IQCH: variants seen among roughly 807,000 people sequenced by gnomAD.
IQCH encodes IQ motif containing H.
Under a neutral mutation model 117.0 loss-of-function variants are expected in IQCH, and 98 were observed. That is an observed-to-expected ratio of 0.84 (90% confidence interval 0.71 to 0.99). IQCH has a LOEUF of 0.99. Ranked by LOEUF, IQCH falls within the 50% of genes least tolerant of loss-of-function variation. IQCH has a pLI of 0.00. For missense variants in IQCH, 1,102 were observed against 1,243.8 expected (o/e 0.89, Z 1.72); for synonymous variants, 412 against 448.2 (o/e 0.92, Z 1.02).
intron 5 of IQCH, among the ~76,000 whole-genome samples, chr15:67,337,748 C>T (rs980196160): frequency 2.0e-5 from 3 of 152,128 alleles, no homozygotes; most frequent in Admixed American, 1.3e-4. Flanking sequence ...ATTTAATTGA[C>T]CAAAGTGTTA....
intron 6 of IQCH, 55 bp downstream of exon 6, chr15:67,344,246 C>T: frequency 6.3e-7 from 1 of 1,575,056 alleles, no homozygotes; most frequent in Non-Finnish European, 8.6e-7. Context: ...TTATCTCTGC[C>T]CCAGATCTAG....
intron 12 of IQCH, among the ~76,000 whole-genome samples, chr15:67,394,792 C>G (rs1043615491): frequency 6.6e-6 from 1 of 152,114 alleles, no homozygotes; most frequent in East Asian, 1.9e-4. Context: ...TTATCTGAAG[C>G]AGATTTAGTG....
intron 4 of IQCH, among the ~76,000 whole-genome samples, chr15:67,311,901 C>A (rs542176174): frequency 1.3e-5 from 2 of 152,202 alleles, no homozygotes; most frequent in East Asian, 3.9e-4. Context: ...GGATTTCAAG[C>A]ATGAGTGGAC....
At chr15:67,270,031 T>G (rs1258372009) in intron 3 of IQCH, among the ~76,000 whole-genome samples, 1 of 152,158 alleles carries the variant, frequency 6.6e-6, no homozygotes, top group Non-Finnish European at 1.5e-5. Context: ...TTATGGTAGT[T>G]CTATTTTTAG....
Position 67,463,561 on chromosome 15 carries a change from A to G in IQCH, c.2506-1566A>G, listed in dbSNP as rs2082853910. Among the ~76,000 whole-genome samples the G allele has an allele frequency of 6.6e-6, 1 of 152,180 alleles. No homozygotes were observed. The highest frequency in any genetic ancestry group is 2.4e-5 in the African/African-American group (1 of 41,430). On this transcript the variant is annotated intron_variant, in intron 16 of 20. Coordinates refer to ENST00000335894, the MANE Select transcript of IQCH (RefSeq NM_001031715.3). This position sits in a 1 kb window ranked among gnomAD's most constrained non-coding sequence, Gnocchi z 4.0. ...GAACCTCAGTTTCTTCATCTGTGAC[A>G]TGGGGTTGTTATTTTTTAGGCTACC... is the stretch of plus-strand genomic sequence containing the variant.
intron 8 of IQCH, among the ~76,000 whole-genome samples, chr15:67,368,286 A>G (rs1027390805): frequency 1.1e-4 from 17 of 152,318 alleles, no homozygotes; most frequent in African/African-American, 3.6e-4. Flanking sequence ...GCCTGTGACT[A>G]TGCTGAATTC....
chr15:67,483,793 AT>A (rs1398574047), intron 18 of IQCH, among the ~76,000 whole-genome samples: 2 of 152,188 alleles, frequency 1.3e-5, no homozygotes, highest in Non-Finnish European at 2.9e-5. Context: ...AGCCCCAAAA[AT>A]TTGTGTGTGG....
chr15:67,473,950 C>G lies in IQCH; in HGVS notation c.2677-1746C>G, dbSNP rs187415615. Among the ~76,000 whole-genome samples the G allele has an allele frequency of 1.5e-3, 224 of 152,242 alleles. 2 individuals carry two copies. Among genetic ancestry groups the G allele is most frequent in the Non-Finnish European group, 1.1e-3 (73 of 68,016 alleles). ...TTGCATTTAGGATGAGCAGCCTTAA[C>G]TGGTGGCACTGATGATGTGACCTTC... is the stretch of plus-strand genomic sequence containing the variant. On this transcript the variant is annotated intron_variant, in intron 17 of 20. Coordinates refer to ENST00000335894, the MANE Select transcript of IQCH (RefSeq NM_001031715.3). The surrounding 1 kb of genome is among the most constrained non-coding windows in gnomAD (Gnocchi z 4.9).
rs62014646 is a variant in IQCH, at chr15:67,263,149, G to A, written c.202G>A (p.Val68Ile). ...TCACATTGAGAAGTATTTAAATGTT[G>A]TAAACCAGAATGTATTAACGACTTC... ...RIHIEKYLNVVNQNVLTTSVN... is the reference protein window; with the variant it reads ...RIHIEKYLNVINQNVLTTSVN... The change falls in exon 3 of 21, where the codon GTA becomes ATA. Residue 68 changes from valine (V) to isoleucine (I), a missense_variant. Physicochemically the swap from Val to Ile is conservative, Grantham distance 29. This residue lies in a region of IQCH where 452 missense variants were observed against 449.6 expected (regional missense o/e 1.01). Transcript: ENST00000335894. 8 of 1,563,796 alleles carry A rather than the reference G, an allele frequency of 5.1e-6. No individual in the cohort carries two copies. The African/African-American group carries it at 1.1e-4, about 21-fold the overall frequency.
At position 67,257,856 on chromosome 15, in the gene IQCH, A is replaced by C. The variant is rs781477882; in HGVS notation, c.51+2909A>C. 5.3e-5 allele frequency among the ~76,000 whole-genome samples: 8 copies of C among 152,252 alleles called. No homozygotes were observed. In the South Asian group the frequency reaches 1.4e-3, roughly 28 times the overall value. On this transcript the variant is annotated intron_variant, in intron 1 of 20. Transcript: ENST00000335894. ...ATTGTATGTTAACAATGATCTTGGA[A>C]ATATGGGAGCTCAATTGACAGTTTG...
At position 67,472,552 on chromosome 15, in the gene IQCH, C is replaced by T. The variant is rs1425878967; in HGVS notation, c.2677-3144C>T. Among the ~76,000 whole-genome samples the T allele has an allele frequency of 1.3e-5, 2 of 152,138 alleles. No homozygotes were observed. The highest frequency in any genetic ancestry group is 4.8e-5 in the African/African-American group (2 of 41,432). On this transcript the variant is annotated intron_variant, in intron 17 of 20. Coordinates refer to ENST00000335894, the MANE Select transcript of IQCH (RefSeq NM_001031715.3). The surrounding 1 kb of genome is among the most constrained non-coding windows in gnomAD (Gnocchi z 4.3). ...ATTTATTGTAGATCCAAAATCCTTTCAAAGGAATGACAACAAAAATAGTAG... is the reference window on the plus strand; with the variant it reads ...ATTTATTGTAGATCCAAAATCCTTTTAAAGGAATGACAACAAAAATAGTAG...
chr15:67,396,512 TC>T (rs1395113414), intron 13 of IQCH, among the ~76,000 whole-genome samples: 2 of 152,214 alleles, frequency 1.3e-5, no homozygotes, highest in Non-Finnish European at 2.9e-5. Context: ...AGAAATGTTT[TC>T]TCTTTGAGTT....
Position 67,458,587 on chromosome 15 carries a change from C to T in IQCH, c.2506-6540C>T, listed in dbSNP as rs1363582228. On this transcript the variant is annotated intron_variant, in intron 16 of 20. Coordinates refer to ENST00000335894, the MANE Select transcript of IQCH (RefSeq NM_001031715.3). The surrounding 1 kb of genome is among the most constrained non-coding windows in gnomAD (Gnocchi z 4.1). ...CAACACTCTCCAGTGCATTCCCAGC[C>T]TCCACAGCTGTAAAAAGGAAATAAG... 2.0e-5 allele frequency among the ~76,000 whole-genome samples: 3 copies of T among 152,212 alleles called. No individual in the cohort carries two copies. The highest frequency in any genetic ancestry group is 7.2e-5 in the African/African-American group (3 of 41,456).
intron 5 of IQCH, among the ~76,000 whole-genome samples, chr15:67,340,480 C>T (rs975643727): frequency 1.2e-4 from 15 of 121,976 alleles, no homozygotes; most frequent in Admixed American, 3.6e-4. Flanking sequence ...ACTTGTCATA[C>T]CTGATTAAAT....
At chr15:67,262,691 T>C (rs369401613) in intron 2 of IQCH, among the ~76,000 whole-genome samples, 1 of 152,150 alleles carries the variant, frequency 6.6e-6, no homozygotes, top group Non-Finnish European at 1.5e-5. Flanking sequence ...CCATACAGGC[T>C]GGGCAATATA....
At position 67,405,209 on chromosome 15, in the gene IQCH, AG is replaced by A. The variant is rs1160096389; in HGVS notation, c.2097+4905del. On this transcript the variant is annotated intron_variant, in intron 14 of 20. Coordinates refer to ENST00000335894, the MANE Select transcript of IQCH (RefSeq NM_001031715.3). This position sits in a 1 kb window ranked among gnomAD's most constrained non-coding sequence, Gnocchi z 4.8. ...AAAAATCTAGGTTATTATTTTTTCCAGTCATGAAACTACATATAAATGATTA... is the reference window on the plus strand; with the variant it reads ...AAAAATCTAGGTTATTATTTTTTCCATCATGAAACTACATATAAATGATTA... 1 of 152,180 alleles carries A rather than the reference AG, an allele frequency of 6.6e-6. No homozygotes were observed. The highest frequency in any genetic ancestry group is 1.5e-5 in the Non-Finnish European group (1 of 68,030). The allele number at this position is 152,180 out of a possible 1,614,324, so 9.4% of individuals were successfully genotyped here. A position where few individuals can be genotyped will look rare whatever the true frequency, so the allele number is the denominator to read the frequency against.
intron 4 of IQCH, among the ~76,000 whole-genome samples, chr15:67,297,900 A>T (rs1966865905): frequency 6.6e-6 from 1 of 152,126 alleles, no homozygotes; most frequent in African/African-American, 2.4e-5. Context: ...GAGACAACCC[A>T]CAGAATGGGA....
At chr15:67,398,040 A>G (rs1334957675) in intron 13 of IQCH, among the ~76,000 whole-genome samples, 1 of 152,196 alleles carries the variant, frequency 6.6e-6, no homozygotes, top group African/African-American at 2.4e-5. Flanking sequence ...TCTTTACAAT[A>G]CTATTGATCC....
At chr15:67,419,941 A>G (rs1284458857) in intron 15 of IQCH, among the ~76,000 whole-genome samples, 1 of 152,246 alleles carries the variant, frequency 6.6e-6, no homozygotes, top group Non-Finnish European at 1.5e-5. Flanking sequence ...CTGAAGCACT[A>G]TCTTTCAAAA....
Sources: gnomAD v4.1 joint callset for allele counts (sites outside exome capture counted in the v4.1 genomes callset) on GRCh38, gnomAD v4.1.1 for gene constraint, gnomAD v4.1.1 regional missense constraint, Gnocchi (gnomAD v3.1) non-coding constraint, MANE v1.5 for transcripts, NCBI Gene and HGNC (gene_info 2026-07-23, HGNC 2026-07-21) for gene names.